Variants in PRDM5 observed in about 807,000 individuals in gnomAD.
PRDM5 encodes the protein PR domain zinc finger protein 5.
PRDM5 carries 56 observed loss-of-function variants against 81.2 expected under a neutral mutation model. The ratio of observed to expected loss-of-function variants is 0.69; its 90% CI spans 0.56 to 0.86. PRDM5 has a LOEUF of 0.86. PRDM5 is among the 40% of genes least tolerant of loss of function. The probability of loss-of-function intolerance (pLI) is 0.00; values close to 1 mark genes in which losing one functional copy is unlikely to be tolerated. For synonymous variants in PRDM5, 267 were observed against 256.4 expected (o/e 1.04, Z -0.39); for missense variants, 697 against 770.1 (o/e 0.91, Z 1.12).
intron 2 of PRDM5, among the ~76,000 whole-genome samples, chr4:120,866,217 T>G (rs1221452564): frequency 6.6e-6 from 1 of 152,176 alleles, no homozygotes. Context: ...CACACTTCAT[T>G]GCACACACAC....
intron 2 of PRDM5, among the ~76,000 whole-genome samples, chr4:120,862,642 A>G (rs1202719070): frequency 6.6e-6 from 1 of 152,192 alleles, no homozygotes; most frequent in South Asian, 2.1e-4. Flanking sequence ...GTTCCCTGTC[A>G]ATAGTTAACA....
In PRDM5 at chr4:120,887,887, G is replaced by A. The variant is rs1217135482; in HGVS notation, c.177+19587C>T. ...GGCTCACTGCAAGCTCCGCCTCCCGGGTTCACGCCATTCTCCTGCCTCAGC... is the reference window on the plus strand; with the variant it reads ...GGCTCACTGCAAGCTCCGCCTCCCGAGTTCACGCCATTCTCCTGCCTCAGC... On this transcript the variant is annotated intron_variant, in intron 2 of 15. Transcript: ENST00000264808. Among the ~76,000 whole-genome samples the A allele has an allele frequency of 2.4e-4, 15 of 62,948 alleles. 5 individuals are homozygous for A. The East Asian group carries it at 6.1e-3, about 25-fold the overall frequency. 41.3% of individuals were successfully genotyped at this position (62,948 alleles called of 152,430 possible).
intron 15 of PRDM5, among the ~76,000 whole-genome samples, chr4:120,707,322 A>G (rs913101450): frequency 9.9e-5 from 9 of 91,306 alleles, no homozygotes; most frequent in East Asian, 4.9e-4. Context: ...GAACAAAGGG[A>G]AAAAAAAAAC....
At chr4:120,792,785 G>A (rs2149268078) in intron 10 of PRDM5, among the ~76,000 whole-genome samples, 1 of 152,254 alleles carries the variant, frequency 6.6e-6, no homozygotes, top group East Asian at 1.9e-4. Flanking sequence ...AGGACATTAT[G>A]ATAAGTGAAA....
At chr4:120,840,075 C>G (rs1757829029) in intron 3 of PRDM5, among the ~76,000 whole-genome samples, 1 of 152,204 alleles carries the variant, frequency 6.6e-6, no homozygotes, top group African/African-American at 2.4e-5. Flanking sequence ...AGGCCTGGGT[C>G]CACAGCGCCA....
Position 120,747,580 on chromosome 4 carries a change from G to A in PRDM5, c.1623+6973C>T, listed in dbSNP as rs371530894. Among the ~76,000 whole-genome samples the A allele has an allele frequency of 7.8e-4, 118 of 152,160 alleles. 2 individuals carry two copies. The highest frequency in any genetic ancestry group is 2.8e-3 in the African/African-American group (115 of 41,512). On this transcript the variant is annotated intron_variant, in intron 14 of 15. Transcript: ENST00000264808. ...AACTCTGAGATACCCACCCTCGTTT[G>A]GACTCAGAGACTCACAGTCTCACTG...
chr4:120,919,946 T>C (rs1724685668), intron 1 of PRDM5, among the ~76,000 whole-genome samples: 1 of 152,170 alleles, frequency 6.6e-6, no homozygotes, highest in Admixed American at 6.5e-5. Flanking sequence ...TATACAGATT[T>C]TTATACTGGA....
intron 2 of PRDM5, among the ~76,000 whole-genome samples, chr4:120,891,692 C>T (rs1012995189): frequency 3.3e-5 from 5 of 152,032 alleles, no homozygotes; most frequent in Admixed American, 6.6e-5. Flanking sequence ...CAGAGTGACA[C>T]GTTCTCAGCT....
intron 10 of PRDM5, among the ~76,000 whole-genome samples, chr4:120,797,294 T>C (rs1751470506): frequency 6.6e-6 from 1 of 152,150 alleles, no homozygotes; most frequent in Non-Finnish European, 1.5e-5. Flanking sequence ...AAGGTGTATA[T>C]ACTATTACAT....
intron 13 of PRDM5, among the ~76,000 whole-genome samples, chr4:120,774,982 G>A (rs1386976597): frequency 2.0e-5 from 3 of 148,418 alleles, no homozygotes; most frequent in African/African-American, 7.4e-5. Flanking sequence ...GTGTGTATAT[G>A]TATATGTGTA....
At chr4:120,697,281 A>C (rs992077204) in intron 15 of PRDM5, among the ~76,000 whole-genome samples, 10 of 152,280 alleles carry the variant, frequency 6.6e-5, no homozygotes, top group African/African-American at 2.4e-4. Context: ...GGTACTAAGT[A>C]GTACTTCCTC....
At chr4:120,834,017 T>C (rs997785668) in intron 3 of PRDM5, among the ~76,000 whole-genome samples, 1 of 152,076 alleles carries the variant, frequency 6.6e-6, no homozygotes, top group Non-Finnish European at 1.5e-5. Context: ...ATTTATGCTA[T>C]AAAAAGCAAC....
chr4:120,700,244 G>C (rs922728696), intron 15 of PRDM5, among the ~76,000 whole-genome samples: 1 of 152,102 alleles, frequency 6.6e-6, no homozygotes, highest in African/African-American at 2.4e-5. Flanking sequence ...CTGGGATATT[G>C]GCTAGCCATA....
At chr4:120,787,329 G>A (rs1749903908) in intron 10 of PRDM5, among the ~76,000 whole-genome samples, 1 of 152,160 alleles carries the variant, frequency 6.6e-6, no homozygotes, top group Non-Finnish European at 1.5e-5. Flanking sequence ...AATGGGAGAA[G>A]TGAGGAGGAG....
intron 2 of PRDM5, among the ~76,000 whole-genome samples, chr4:120,862,896 C>T (rs993874886): frequency 6.6e-6 from 1 of 151,920 alleles, no homozygotes; most frequent in East Asian, 1.9e-4. Context: ...CAGTAGCTCA[C>T]GCCTGTAATC....
At chr4:120,725,051 T>C (rs1317982671) in intron 14 of PRDM5, among the ~76,000 whole-genome samples, 1 of 152,190 alleles carries the variant, frequency 6.6e-6, no homozygotes, top group Non-Finnish European at 1.5e-5. Flanking sequence ...AGATTTTAGT[T>C]TGCTCAAAAG....
intron 2 of PRDM5, among the ~76,000 whole-genome samples, chr4:120,904,604 G>T (rs1765592912): frequency 6.6e-6 from 1 of 152,128 alleles, no homozygotes; most frequent in Non-Finnish European, 1.5e-5. Flanking sequence ...GAGAGAGCTG[G>T]AGACAACTAG....
intron 3 of PRDM5, among the ~76,000 whole-genome samples, chr4:120,843,224 C>T (rs1464787745): frequency 1.3e-5 from 2 of 152,082 alleles, no homozygotes; most frequent in African/African-American, 4.8e-5. Flanking sequence ...ATCCCAGCTA[C>T]TCGGGAGGCT....
intron 13 of PRDM5, among the ~76,000 whole-genome samples, chr4:120,770,762 T>C (rs1325826085): frequency 1.3e-5 from 2 of 152,172 alleles, no homozygotes; most frequent in Non-Finnish European, 2.9e-5. Flanking sequence ...GCAGAGAAGT[T>C]TCACACCTAA....
Sources: gnomAD v4.1 joint callset for allele counts (sites outside exome capture counted in the v4.1 genomes callset) on GRCh38, gnomAD v4.1.1 for gene constraint, MANE v1.5 for transcripts, NCBI Gene and HGNC (gene_info 2026-07-23, HGNC 2026-07-21) for gene names.